Variants in RFX7 observed in about 807,000 individuals in gnomAD.
RFX7 encodes regulatory factor X7, also known as DNA-binding protein RFX7.
Under a neutral mutation model 111.8 loss-of-function variants are expected in RFX7, and 26 were observed. The observed-to-expected ratio is 0.23, with a 90% CI of 0.17 to 0.32. The LOEUF (loss-of-function observed/expected upper bound fraction) is 0.32, where lower values mean the gene tolerates loss of function less well. Among genes scored for constraint, RFX7 ranks in the 10% least tolerant of loss-of-function variants. The pLI, the probability that RFX7 is intolerant of heterozygous loss-of-function variation, is 1.00. For synonymous variants in RFX7, 624 were observed against 624.4 expected, an observed-to-expected ratio of 1.00 and a Z score of 0.01; for missense variants, 1,573 against 1,772.9, an observed-to-expected ratio of 0.89 and a Z score of 2.02.
At position 56,243,852 on chromosome 15, in the gene RFX7, C is replaced by G. The variant is rs1295051195; in HGVS notation, c.-410G>C. Among the ~76,000 whole-genome samples, 3 of 147,374 alleles carry G rather than the reference C, an allele frequency of 2.0e-5. No individual in the cohort carries two copies. Among genetic ancestry groups the G allele is most frequent in the Non-Finnish European group, 3.0e-5 (2 of 66,214 alleles). On this transcript the variant is annotated 5_prime_UTR_variant, in exon 1 of 10. Coordinates refer to ENST00000559447, the MANE Select transcript of RFX7 (RefSeq NM_022841.7). ...GCCGCGGCCGCCGCTGCCCTGCCAG[C>G]CCCGGAGGCAGCCCAGTGCGCGCAG...
At chr15:56,104,124 C>T (rs1298407257) in intron 5 of RFX7, among the ~76,000 whole-genome samples, 1 of 152,040 alleles carries the variant, frequency 6.6e-6, no homozygotes, top group Non-Finnish European at 1.5e-5. Context: ...CTAAAAGGGA[C>T]CCTACGAATA....
chr15:56,218,707 C>G (rs2043393871), intron 2 of RFX7, among the ~76,000 whole-genome samples: 1 of 152,036 alleles, frequency 6.6e-6, no homozygotes, highest in Non-Finnish European at 1.5e-5. Flanking sequence ...CCATCCAAAC[C>G]AAGCAAAAAA....
chr15:56,174,549 C>A (rs1172571373), intron 3 of RFX7, among the ~76,000 whole-genome samples: 1 of 151,996 alleles, frequency 6.6e-6, no homozygotes, highest in Non-Finnish European at 1.5e-5. Context: ...GAGATCGAGA[C>A]CATCCTGGAC....
At chr15:56,177,567 A>G (rs919090616) in intron 3 of RFX7, among the ~76,000 whole-genome samples, 1 of 152,172 alleles carries the variant, frequency 6.6e-6, no homozygotes, top group Non-Finnish European at 1.5e-5. Flanking sequence ...TGAACTCTTA[A>G]AAGACTTTAA....
intron 5 of RFX7, among the ~76,000 whole-genome samples, chr15:56,108,406 C>T (rs2140542066): frequency 6.6e-6 from 1 of 152,286 alleles, no homozygotes; most frequent in Non-Finnish European, 1.5e-5. Context: ...ATATGTAAAT[C>T]AATAAATGTC....
rs773275578 is a variant in RFX7 at position 56,096,589 on chromosome 15, G to A, written c.1139C>T (p.Pro380Leu). The A allele has an allele frequency of 6.3e-7, 1 of 1,591,752 alleles. No individual in the cohort carries two copies. Among genetic ancestry groups the A allele is most frequent in the Non-Finnish European group, 8.6e-7 (1 of 1,168,384 alleles). ...VQRTRQLVTS[P>L]SPMSSSDGKV... ...GCCGTCAGAAGAACTCATTGGACTC[G>A]GTGAAGTTACCAATTGCCTAGTCCG... Residue 380 changes from proline (P) to leucine (L), a missense_variant, in exon 10 of 10, where the codon CCG becomes CTG. Pro to Leu is a moderately conservative substitution (Grantham distance 98). Around this residue, in one of 7 missense-constraint regions of RFX7, gnomAD observed 288 missense variants for 337.9 expected, o/e 0.85. Coordinates refer to ENST00000559447, the MANE Select transcript of RFX7 (RefSeq NM_022841.7).
chr15:56,199,733 A>G (rs2043176446), intron 2 of RFX7, among the ~76,000 whole-genome samples: 1 of 152,108 alleles, frequency 6.6e-6, no homozygotes, highest in African/African-American at 2.4e-5. Flanking sequence ...TTCTGCAACT[A>G]CTAGCTATAT....
intron 5 of RFX7, among the ~76,000 whole-genome samples, chr15:56,104,460 G>A (rs1358205385): frequency 3.9e-5 from 6 of 152,158 alleles, no homozygotes; most frequent in African/African-American, 7.2e-5. Flanking sequence ...GAATGAAGAG[G>A]AAGCCAGAGG....
At chr15:56,188,667 A>T (rs1393596486) in intron 2 of RFX7, among the ~76,000 whole-genome samples, 1 of 152,212 alleles carries the variant, frequency 6.6e-6, no homozygotes. Flanking sequence ...GAAAATCCTT[A>T]TTACAAATCC....
intron 2 of RFX7, among the ~76,000 whole-genome samples, chr15:56,181,010 A>G (rs1469384358): frequency 1.3e-5 from 2 of 152,214 alleles, no homozygotes; most frequent in Non-Finnish European, 2.9e-5. Context: ...TCTTTGCCCT[A>G]TCACCAACCA....
chr15:56,124,822 TATTG>T (rs2042122045), intron 5 of RFX7, among the ~76,000 whole-genome samples: 2 of 152,234 alleles, frequency 1.3e-5, no homozygotes, highest in African/African-American at 4.8e-5. Context: ...CTTTTCATTG[TATTG>T]ATTGTTATCT....
At chr15:56,230,910 C>T (rs1252652105) in intron 2 of RFX7, among the ~76,000 whole-genome samples, 1 of 152,124 alleles carries the variant, frequency 6.6e-6, no homozygotes, top group Non-Finnish European at 1.5e-5. Context: ...CTGGCTAACA[C>T]AGTGTAACCC....
At chr15:56,114,039 T>C (rs2041973247) in intron 5 of RFX7, among the ~76,000 whole-genome samples, 1 of 152,158 alleles carries the variant, frequency 6.6e-6, no homozygotes, top group South Asian at 2.1e-4. Flanking sequence ...CCCTTATTTT[T>C]AAGGAGTAAA....
In RFX7 at chr15:56,144,998, C is replaced by G. The variant is rs1818692174; in HGVS notation, c.196-515G>C. On this transcript the variant is annotated intron_variant, in intron 3 of 9. Coordinates refer to ENST00000559447, the MANE Select transcript of RFX7 (RefSeq NM_022841.7). Reference sequence around the variant, plus strand: ...GTGCTACTGTTACCTGTGGATGGAACTGAGGTTAAAAACACTGAAATAAAA... The same window carrying G: ...GTGCTACTGTTACCTGTGGATGGAAGTGAGGTTAAAAACACTGAAATAAAA... Among the ~76,000 whole-genome samples the G allele has an allele frequency of 2.6e-5, 4 of 152,142 alleles. 1 individual carries two copies. In the South Asian group the frequency reaches 8.3e-4, roughly 32 times the overall value.
At chr15:56,109,636 G>A (rs1171752508) in intron 5 of RFX7, among the ~76,000 whole-genome samples, 2 of 151,958 alleles carry the variant, frequency 1.3e-5, no homozygotes, top group African/African-American at 4.8e-5. Flanking sequence ...CATCTAGGAA[G>A]TGAGGAGCGT....
intron 3 of RFX7, among the ~76,000 whole-genome samples, chr15:56,155,215 T>C (rs572326736): frequency 8.5e-4 from 130 of 152,188 alleles, no homozygotes; most frequent in Non-Finnish European, 1.5e-3. Context: ...GAAGACAGTA[T>C]GGCAATTCCT....
chr15:56,136,367 T>C (rs1305677125), intron 5 of RFX7, among the ~76,000 whole-genome samples: 1 of 145,246 alleles, frequency 6.9e-6, no homozygotes, highest in African/African-American at 2.6e-5. Flanking sequence ...TATTTTATTC[T>C]CTTTGAAGCA....
At chr15:56,229,700 A>G (rs12595557) in intron 2 of RFX7, among the ~76,000 whole-genome samples, 19,801 of 152,172 alleles carry the variant, frequency 0.13, 1,688 homozygotes, top group East Asian at 0.44. Flanking sequence ...CCAAATTTAA[A>G]TTTCTAACAA....
chr15:56,182,207 T>A (rs2042982006), intron 2 of RFX7, among the ~76,000 whole-genome samples: 1 of 151,982 alleles, frequency 6.6e-6, no homozygotes, highest in South Asian at 2.1e-4. Flanking sequence ...CCCCAAACCA[T>A]CTCCCCCACC....
Sources: gnomAD v4.1 joint callset for allele counts (sites outside exome capture counted in the v4.1 genomes callset) on GRCh38, gnomAD v4.1.1 for gene constraint, gnomAD v4.1.1 regional missense constraint, MANE v1.5 for transcripts, NCBI Gene and HGNC (gene_info 2026-07-23, HGNC 2026-07-21) for gene names.